The following TAOK2 variants were observed in gnomAD, a reference collection of about 807,000 sequenced individuals.
TAOK2 encodes the protein serine/threonine-protein kinase TAO2.
In TAOK2, 42 loss-of-function variants were observed where a neutral mutation model predicts 122.5. The ratio of observed to expected loss-of-function variants is 0.34; its 90% CI spans 0.27 to 0.44. The LOEUF (loss-of-function observed/expected upper bound fraction) is 0.44. Ranked by LOEUF, TAOK2 falls within the 20% of genes least tolerant of loss-of-function variation. The pLI, the probability that TAOK2 is intolerant of heterozygous loss-of-function variation, is 1.00. For synonymous variants in TAOK2, 704 were observed against 677.6 expected, an observed-to-expected ratio of 1.04 and a Z score of -0.61; for missense variants, 1,264 against 1,644.9, an observed-to-expected ratio of 0.77 and a Z score of 4.01.
downstream of TAOK2, chr16:29,989,876 G>C (rs1198699001): frequency 1.3e-6 from 2 of 1,506,836 alleles, no homozygotes; most frequent in African/African-American, 1.4e-5. Flanking sequence ...AGAAATGGAC[G>C]GTGCAGGGCA....
Position 29,986,329 on chromosome 16 carries a change from C to A in TAOK2, c.2057C>A (p.Ala686Asp). ...GCACTGCTGCTTCGGCAGCACGAGGCCACGCGGGAGCTGGAGCTGCGGCAG... is the reference window on the plus strand; with the variant it reads ...GCACTGCTGCTTCGGCAGCACGAGGACACGCGGGAGCTGGAGCTGCGGCAG... The part of the protein sequence containing the change: ...ECALLLRQHE[A>D]TRELELRQLQ... Residue 686 changes from alanine (A) to aspartate (D), a missense_variant, in exon 16 of 16, where the codon GCC (alanine) becomes GAC (aspartate). Around this residue, in one of 4 missense-constraint regions of TAOK2, gnomAD observed 824 missense variants for 908.7 expected, o/e 0.91. Transcript: ENST00000308893. The surrounding 1 kb of genome is among the most constrained non-coding windows in gnomAD (Gnocchi z 4.2). 13 of 1,572,508 alleles carry A rather than the reference C, an allele frequency of 8.3e-6. No individual in the cohort carries two copies. Among genetic ancestry groups the A allele is most frequent in the South Asian group, 1.2e-5 (1 of 86,602 alleles).
At chr16:29,980,543 C>T (rs377115490) in intron 8 of TAOK2, 6 of 152,318 alleles carry the variant, frequency 3.9e-5, no homozygotes, top group African/African-American at 1.4e-4. Context: ...TGGGCTCCAC[C>T]CTCTGAGTGT....
chr16:29,985,020 C>A lies in TAOK2; in HGVS notation c.1423-193C>A. ...GCCACCTTTTATCATTCGGCCACACCAACTTGTGATGTAGATAATATCACC... is the reference window on the plus strand; with the variant it reads ...GCCACCTTTTATCATTCGGCCACACAAACTTGTGATGTAGATAATATCACC... On this transcript the variant is annotated intron_variant, in intron 13 of 15. Coordinates refer to ENST00000308893, the MANE Select transcript of TAOK2 (RefSeq NM_016151.4). This position sits in a 1 kb window ranked among gnomAD's most constrained non-coding sequence, Gnocchi z 6.9. 1 of 661,706 alleles carries A rather than the reference C, an allele frequency of 1.5e-6. No homozygotes were observed. The highest frequency in any genetic ancestry group is 2.2e-6 in the Non-Finnish European group (1 of 449,698). 41.0% of individuals were successfully genotyped at this position (661,706 alleles called of 1,614,324 possible).
At position 29,987,468 on chromosome 16, in the gene TAOK2, G is replaced by C. The variant is rs2150905674; in HGVS notation, c.3196G>C (p.Gly1066Arg). ...TCTACCTCTGGTGGCTATGGCAGCG[G>C]GGGGCAGATGGGTGCGGCAGCAGGG... ...LALPLVAMAAGGRWVRQQGPR... is the reference protein window; with the variant it reads ...LALPLVAMAARGRWVRQQGPR... Residue 1066 changes from glycine (G) to arginine (R), a missense_variant, in exon 16 of 16, where the codon GGG (glycine) becomes CGG (arginine). Around this residue, in one of 4 missense-constraint regions of TAOK2, gnomAD observed 824 missense variants for 908.7 expected, o/e 0.91. Coordinates refer to ENST00000308893, the MANE Select transcript of TAOK2 (RefSeq NM_016151.4). The C allele has an allele frequency of 2.5e-6, 4 of 1,590,874 alleles. No individual in the cohort carries two copies. Among genetic ancestry groups the C allele is most frequent in the Non-Finnish European group, 3.4e-6 (4 of 1,167,064 alleles).
Position 29,986,878 on chromosome 16 carries a change from C to A in TAOK2, c.2606C>A (p.Thr869Lys). 1.2e-6 allele frequency: 2 copies of A among 1,613,966 alleles called. No homozygotes were observed. The highest frequency in any genetic ancestry group is 1.7e-6 in the Non-Finnish European group (2 of 1,179,930). ...ATTGTTGGCCAGGAGGAGGCTGGGA[C>A]ATGGAGCTTGTGGGGGAAGGAGGAT... is the stretch of plus-strand genomic sequence containing the variant. ...RSIVGQEEAG[T>K]WSLWGKEDES... The change falls in exon 16 of 16, where the codon ACA becomes AAA. Residue 869 changes from threonine (T) to lysine (K), a missense_variant. Thr to Lys is a moderately conservative substitution (Grantham distance 78). This residue lies in a region of TAOK2 where 824 missense variants were observed against 908.7 expected (regional missense o/e 0.91). Coordinates refer to ENST00000308893, the MANE Select transcript of TAOK2 (RefSeq NM_016151.4). The surrounding 1 kb of genome is among the most constrained non-coding windows in gnomAD (Gnocchi z 4.2).
chr16:29,987,911 A>C lies in TAOK2; in HGVS notation c.3639A>C (p.Pro1213=). 1 of 1,578,922 alleles carries C rather than the reference A, an allele frequency of 6.3e-7. No homozygotes were observed. ...TAGGGCCCCCTGCCTCCCGCCAGCC[A>C]CTGCCAGGGACTCTAGCCGGGCGGA... ...RQLGPPASRQ[P]LPGTLAGRRS... is the part of the protein sequence containing the mutation. The change falls in exon 16 of 16, where the codon CCA becomes CCC. Residue 1213 remains proline, a synonymous_variant. Transcript: ENST00000308893.
Position 29,987,004 on chromosome 16 carries a change from T to C in TAOK2, c.2732T>C (p.Ile911Thr), listed in dbSNP as rs909457929. The change falls in exon 16 of 16, where the codon ATT (isoleucine) becomes ACT (threonine). Residue 911 changes from isoleucine (I) to threonine (T), a missense_variant. Around this residue, in one of 4 missense-constraint regions of TAOK2, gnomAD observed 824 missense variants for 908.7 expected, o/e 0.91. Transcript: ENST00000308893. ...EEEEEEEGAP[I>T]GTPRDPGDGC... ...GAAGAAGAGGAAGAGGGGGCTCCGA[T>C]TGGGACCCCTAGGGATCCTGGAGAT... 14 of 1,612,818 alleles carry C rather than the reference T, an allele frequency of 8.7e-6. No individual in the cohort carries two copies. Among genetic ancestry groups the C allele is most frequent in the African/African-American group, 6.7e-5 (5 of 74,858 alleles).
chr16:29,977,811 A>G lies in TAOK2; in HGVS notation c.39A>G (p.Pro13=), dbSNP rs1181173897. The change falls in exon 2 of 16, where the codon CCA becomes CCG. Residue 13 remains proline, a synonymous_variant. Coordinates refer to ENST00000308893, the MANE Select transcript of TAOK2 (RefSeq NM_016151.4). ...AGGRAGSLKD[P]DVAELFFKDD... ...GCCGGGCCGGGAGCCTGAAGGACCCAGATGTGGCTGAGCTCTTCTTCAAGG... is the reference window on the plus strand; with the variant it reads ...GCCGGGCCGGGAGCCTGAAGGACCCGGATGTGGCTGAGCTCTTCTTCAAGG... 6.2e-7 allele frequency: 1 copy of G among 1,614,154 alleles called. No homozygotes were observed. Among genetic ancestry groups the G allele is most frequent in the South Asian group, 1.1e-5 (1 of 91,086 alleles).
Position 29,987,614 on chromosome 16 carries a change from G to T in TAOK2, c.3342G>T (p.Leu1114=), listed in dbSNP as rs374252719. 2 of 1,612,998 alleles carry T rather than the reference G, an allele frequency of 1.2e-6. No individual in the cohort carries two copies. The highest frequency in any genetic ancestry group is 1.7e-6 in the Non-Finnish European group (2 of 1,179,324). ...TGGGGGACCGGGGTCTGTTTGCACT[G>T]TACCCCAAAACCAACAAGGATGGCT... The part of the protein sequence containing the change: ...GAVGDRGLFA[L]YPKTNKDGFR... Residue 1114 remains leucine, a synonymous_variant, in exon 16 of 16, where the codon CTG becomes CTT. Coordinates refer to ENST00000308893, the MANE Select transcript of TAOK2 (RefSeq NM_016151.4).
At chr16:29,989,926 A>C, downstream of TAOK2, 1 of 863,288 alleles carries the variant, frequency 1.2e-6, no homozygotes, top group Non-Finnish European at 1.8e-6. Context: ...AAACTCACAT[A>C]CTCTCCCTCT....
rs143466363 is a variant in TAOK2, at chr16:29,983,284, G to A, written c.1212G>A (p.Glu404=). The A allele has an allele frequency of 2.5e-6, 4 of 1,604,612 alleles. No individual in the cohort carries two copies. Among genetic ancestry groups the A allele is most frequent in the Non-Finnish European group, 3.4e-6 (4 of 1,179,790 alleles). Residue 404 remains glutamate (E), a synonymous_variant, in exon 12 of 16, where the codon GAG becomes GAA. Transcript: ENST00000308893. ...CCCGGGAGATGGCCATGATGCAGGA[G>A]GGGGAGCACACAGTCACCTCTCACA... The part of the protein sequence containing the change: ...PEAREMAMMQ[E]GEHTVTSHSS...
At position 29,987,937 on chromosome 16, in the gene TAOK2, G is replaced by T; in HGVS notation, c.3665G>T (p.Arg1222Met). The T allele has an allele frequency of 1.9e-6, 3 of 1,540,046 alleles. No homozygotes were observed. The highest frequency in any genetic ancestry group is 2.6e-6 in the Non-Finnish European group (3 of 1,148,534). ...CTGCCAGGGACTCTAGCCGGGCGGAGGTCACGCACCCGCCAGTCCCGGGCC... is the reference window on the plus strand; with the variant it reads ...CTGCCAGGGACTCTAGCCGGGCGGATGTCACGCACCCGCCAGTCCCGGGCC... ...QPLPGTLAGR[R>M]SRTRQSRALP... The change falls in exon 16 of 16, where the codon AGG becomes ATG. Residue 1222 changes from arginine (R) to methionine (M), a missense_variant. By Grantham distance (91) the Arg-to-Met change is moderately conservative. Around this residue, in one of 4 missense-constraint regions of TAOK2, gnomAD observed 824 missense variants for 908.7 expected, o/e 0.91. Coordinates refer to ENST00000308893, the MANE Select transcript of TAOK2 (RefSeq NM_016151.4).
Position 29,987,076 on chromosome 16 carries a change from T to C in TAOK2, c.2804T>C (p.Leu935Pro). ...CCTCCTGAACCCCCTCCAACACACC[T>C]GAGGCCCTGCCCTGCCAGCCAGCTC... Reference protein sequence around the residue: ...DIPPEPPPTHLRPCPASQLPG... With the variant: ...DIPPEPPPTHPRPCPASQLPG... Residue 935 changes from leucine (L) to proline (P), a missense_variant, in exon 16 of 16, where the codon CTG becomes CCG. By Grantham distance (98) the Leu-to-Pro change is moderately conservative. Around this residue, in one of 4 missense-constraint regions of TAOK2, gnomAD observed 824 missense variants for 908.7 expected, o/e 0.91. Transcript: ENST00000308893. 6.2e-7 allele frequency: 1 copy of C among 1,613,456 alleles called. No individual in the cohort carries two copies. Among genetic ancestry groups the C allele is most frequent in the Non-Finnish European group, 8.5e-7 (1 of 1,179,572 alleles).
Position 29,978,156 on chromosome 16 carries a change from A to T in TAOK2, c.200A>T (p.Asn67Ile). The T allele has an allele frequency of 6.2e-7, 1 of 1,614,074 alleles. No individual in the cohort carries two copies. Residue 67 changes from asparagine to isoleucine, a missense_variant, in exon 3 of 16, where the codon AAT (asparagine) becomes ATT (isoleucine). Transcript: ENST00000308893. ...ATGTCCTACAGTGGGAAGCAGTCCA[A>T]TGAGGTGGGCCAGGTGCAATACAGC... ...KKMSYSGKQS[N>I]EKWQDIIKEV...
At chr16:29,989,338 G>A (rs1430052136), downstream of TAOK2, 1 of 984,666 alleles carries the variant, frequency 1.0e-6, no homozygotes, top group Admixed American at 6.2e-5. Context: ...TGCATCTCTT[G>A]CCCATCGAGA....
chr16:29,990,998 G>A (rs750684522), downstream of TAOK2: 3 of 1,595,148 alleles, frequency 1.9e-6, no homozygotes, highest in East Asian at 6.7e-5. Flanking sequence ...ACTGGGGAGG[G>A]AGGGTGGGCT....
chr16:29,977,970 C>G, intron 2 of TAOK2, 66 bp downstream of exon 2: 1 of 1,612,558 alleles, frequency 6.2e-7, no homozygotes, highest in East Asian at 2.2e-5. Context: ...GACTTCCCAA[C>G]AGCCCTTGCA....
At chr16:29,982,441 G>A (rs963085778) in intron 10 of TAOK2, among the ~76,000 whole-genome samples, 2 of 152,198 alleles carry the variant, frequency 1.3e-5, no homozygotes, top group African/African-American at 4.8e-5. Context: ...GCCCAGAGGG[G>A]CCTCATGACA....
At chr16:29,991,879 G>C (rs2069978175), downstream of TAOK2, 1 of 296,328 alleles carries the variant, frequency 3.4e-6, no homozygotes, top group Non-Finnish European at 6.2e-6. This position sits in a 1 kb window ranked among gnomAD's most constrained non-coding sequence, Gnocchi z 5.6. Context: ...GGAGGGGAAG[G>C]GTGGGTCTAG....
Sources: allele counts gnomAD v4.1 joint callset (sites outside exome capture counted in the v4.1 genomes callset), GRCh38; gene constraint gnomAD v4.1.1; regional missense constraint gnomAD v4.1.1; non-coding constraint Gnocchi (gnomAD v3.1); transcripts MANE v1.5; gene names NCBI Gene and HGNC (gene_info 2026-07-23, HGNC 2026-07-21).